ABCA6: variants seen among roughly 807,000 people sequenced by gnomAD.
ABCA6 encodes ATP-binding cassette sub-family A member 6.
A neutral mutation model predicts 191.2 loss-of-function variants in ABCA6; 164 were observed. The observed-to-expected ratio is 0.86, with a 90% CI of 0.76 to 0.98. The LOEUF (loss-of-function observed/expected upper bound fraction) is 0.98. ABCA6 is among the 50% of genes least tolerant of loss of function. ABCA6 has a pLI of 0.00. For synonymous variants in ABCA6, 636 were observed against 647.7 expected, an observed-to-expected ratio of 0.98 and a Z score of 0.27; for missense variants, 1,958 against 1,894.1, an observed-to-expected ratio of 1.03 and a Z score of -0.63.
At chr17:69,083,143 G>A in intron 35 of ABCA6, 69 bp downstream of exon 35, 4 of 1,562,678 alleles carry the variant, frequency 2.6e-6, no homozygotes, top group Non-Finnish European at 3.5e-6. Flanking sequence ...GCCACACACA[G>A]GGATTTTTGC....
chr17:69,115,325 C>G, intron 12 of ABCA6, 51 bp downstream of exon 12: 1 of 1,351,604 alleles, frequency 7.4e-7, no homozygotes. Context: ...ATATGCTTGA[C>G]CTCATTCTAT....
rs571820618 is a variant in ABCA6 at position 69,093,175 on chromosome 17, C to T, written c.3409-1913G>A. 7.9e-5 allele frequency among the ~76,000 whole-genome samples: 12 copies of T among 152,102 alleles called. No individual in the cohort carries two copies. In the South Asian group the frequency reaches 1.9e-3, roughly 24 times the overall value. ...TGAGCAAGTTACTAAATTTTTTCCT[C>T]TATTGAAGTAGGAAATTAAGAAAAT... On this transcript the variant is annotated intron_variant, in intron 25 of 38. Transcript: ENST00000284425.
intron 12 of ABCA6, 89 bp downstream of exon 12, chr17:69,115,287 A>G: frequency 1.1e-6 from 1 of 919,640 alleles, no homozygotes; most frequent in Non-Finnish European, 1.6e-6. Context: ...CTCTTAAGCC[A>G]TCAAATTTAA....
chr17:69,090,691 G>A (rs2072903912), intron 26 of ABCA6, among the ~76,000 whole-genome samples: 1 of 152,180 alleles, frequency 6.6e-6, no homozygotes, highest in Non-Finnish European at 1.5e-5. Flanking sequence ...CTAGCACAGT[G>A]ACTAACAGAG....
chr17:69,132,363 A>T (rs1213220740), intron 6 of ABCA6, among the ~76,000 whole-genome samples: 1 of 152,194 alleles, frequency 6.6e-6, no homozygotes, highest in South Asian at 2.1e-4. Context: ...TGTCATTGAT[A>T]GTATTGCAAA....
intron 10 of ABCA6, among the ~76,000 whole-genome samples, chr17:69,121,841 T>C (rs956975341): frequency 6.6e-6 from 1 of 152,082 alleles, no homozygotes; most frequent in African/African-American, 2.4e-5. Flanking sequence ...TATGGAATTA[T>C]TCCTCACTTG....
chr17:69,113,096 C>T (rs758619224), intron 15 of ABCA6, 126 bp downstream of exon 15: 65 of 1,126,600 alleles, frequency 5.8e-5, no homozygotes, highest in Non-Finnish European at 7.1e-5. Flanking sequence ...TCCTGTCGTC[C>T]TCCTGACTGC....
At position 69,091,179 on chromosome 17, in the gene ABCA6, T is replaced by A; in HGVS notation, c.3492A>T (p.Ser1164=). 9 of 1,611,716 alleles carry A rather than the reference T, an allele frequency of 5.6e-6. No individual in the cohort carries two copies. Among genetic ancestry groups the A allele is most frequent in the Non-Finnish European group, 6.8e-6 (8 of 1,179,238 alleles). The change falls in exon 26 of 39, where the codon TCA becomes TCT. Residue 1164 remains serine, a synonymous_variant. Transcript: ENST00000284425. ...ILITTMVLVP[S]YTLLGFKTFL... The stretch of plus-strand genomic sequence containing the variant: ...AAGTTTTAAATCCAAGCAAGGTATA[T>A]GAAGGAACCAATACCATGGTGGTAA...
At chr17:69,136,919 C>T (rs570875587) in intron 3 of ABCA6, among the ~76,000 whole-genome samples, 4 of 152,064 alleles carry the variant, frequency 2.6e-5, no homozygotes, top group African/African-American at 7.2e-5. Context: ...ATAACCATGA[C>T]CTATTTTATT....
At chr17:69,103,089 T>C (rs897437577) in intron 20 of ABCA6, 121 bp from the exon 21 acceptor site, 7 of 581,136 alleles carry the variant, frequency 1.2e-5, no homozygotes, top group Non-Finnish European at 1.7e-5. Context: ...TAAATGTCTT[T>C]CTTTGGGTAT....
At chr17:69,091,338 G>C (rs1231245734) in intron 25 of ABCA6, 76 bp from the exon 26 acceptor site, 1 of 1,490,904 alleles carries the variant, frequency 6.7e-7, no homozygotes, top group Admixed American at 1.8e-5. Flanking sequence ...TAAGATGCAG[G>C]TGTTCTCATG....
At chr17:69,134,314 C>A (rs562561433) in intron 5 of ABCA6, among the ~76,000 whole-genome samples, 5 of 152,120 alleles carry the variant, frequency 3.3e-5, no homozygotes, top group Admixed American at 2.6e-4. Context: ...GAGGGTGGAG[C>A]CCTCATGAAT....
intron 1 of ABCA6, among the ~76,000 whole-genome samples, 196 bp downstream of exon 1, chr17:69,141,549 C>CA (rs1287937827): frequency 6.6e-6 from 1 of 151,918 alleles, no homozygotes; most frequent in Admixed American, 6.6e-5. Flanking sequence ...AGCACAGAAG[C>CA]AAATTTTTTC....
rs893076176 is a variant in ABCA6 at position 69,123,231 on chromosome 17, G to A, written c.1436+8C>T. 9.0e-6 allele frequency: 13 copies of A among 1,449,214 alleles called. No individual in the cohort carries two copies. Among genetic ancestry groups the A allele is most frequent in the Admixed American group, 4.2e-5 (2 of 47,970 alleles). The allele number at this position is 1,449,214 out of a possible 1,614,324, so 89.8% of individuals were successfully genotyped here. On this transcript the variant is annotated splice_region_variant and intron_variant, in intron 10 of 38. Coordinates refer to ENST00000284425, the MANE Select transcript of ABCA6 (RefSeq NM_080284.3). ...TCATGCATTAGTATTACTTATAAGT[G>A]TGATTACCTGATGGCTTCTTTTCCT...
chr17:69,113,513 C>G lies in ABCA6; in HGVS notation c.1902+105G>C, dbSNP rs2073474226. Reference sequence around the variant, plus strand: ...TTTATAGTTAAACATAGCAGGTTCTCTCTTGATGCATTACAATGAAAGCTC... The same window carrying G: ...TTTATAGTTAAACATAGCAGGTTCTGTCTTGATGCATTACAATGAAAGCTC... On this transcript the variant is annotated intron_variant, in intron 14 of 38. Transcript: ENST00000284425. The G allele has an allele frequency of 5.1e-6, 8 of 1,574,194 alleles. No homozygotes were observed. The Admixed American group carries it at 1.3e-4, about 26-fold the overall frequency.
chr17:69,113,858 A>C (rs1018132299), intron 13 of ABCA6, 121 bp from the exon 14 acceptor site: 4 of 723,954 alleles, frequency 5.5e-6, no homozygotes, highest in Non-Finnish European at 8.8e-6. Context: ...TCAAAACCAC[A>C]ATGAGATATC....
At chr17:69,099,383 T>C (rs2073124272) in intron 22 of ABCA6, among the ~76,000 whole-genome samples, 1 of 152,074 alleles carries the variant, frequency 6.6e-6, no homozygotes, top group Admixed American at 6.6e-5. Flanking sequence ...GGGGAACAGG[T>C]TTCTAATAGA....
chr17:69,081,539 T>G (rs2072637152), intron 36 of ABCA6, among the ~76,000 whole-genome samples: 1 of 152,234 alleles, frequency 6.6e-6, no homozygotes, highest in Admixed American at 6.5e-5. Context: ...CTTTATTTCT[T>G]ACATTTCCAG....
Position 69,130,231 on chromosome 17 carries a change from C to T in ABCA6, c.792-480G>A, listed in dbSNP as rs892785886. On this transcript the variant is annotated intron_variant, in intron 6 of 38. Transcript: ENST00000284425. Reference sequence around the variant, plus strand: ...ACTCGGGAGGCTGAGGCAGAAAAATCGCTTGAACCTAGAAGGCAGAGGTTT... The same window carrying T: ...ACTCGGGAGGCTGAGGCAGAAAAATTGCTTGAACCTAGAAGGCAGAGGTTT... 4.6e-5 allele frequency among the ~76,000 whole-genome samples: 7 copies of T among 151,802 alleles called. No individual in the cohort carries two copies. In the East Asian group the frequency reaches 5.8e-4, roughly 13 times the overall value.
Sources: gnomAD v4.1 joint callset for allele counts (sites outside exome capture counted in the v4.1 genomes callset) on GRCh38, gnomAD v4.1.1 for gene constraint, MANE v1.5 for transcripts, NCBI Gene and HGNC (gene_info 2026-07-23, HGNC 2026-07-21) for gene names.